Variants in OCA2 observed in about 807,000 individuals in gnomAD.
OCA2 encodes the protein OCA2 melanosomal transmembrane protein, also known as P protein.
A neutral mutation model predicts 100.2 loss-of-function variants in OCA2; 77 were observed. The ratio of observed to expected loss-of-function variants is 0.77; its 90% CI spans 0.64 to 0.93. OCA2 has a LOEUF of 0.93. OCA2 is among the 40% of genes least tolerant of loss of function. The probability of loss-of-function intolerance (pLI) is 0.00; values close to 1 mark genes in which losing one functional copy is unlikely to be tolerated. For synonymous variants in OCA2, 432 were observed against 439.2 expected (o/e 0.98, Z 0.21); for missense variants, 1,062 against 1,089.1 (o/e 0.98, Z 0.35).
chr15:27,941,039 A>C (rs1470537900), intron 18 of OCA2, among the ~76,000 whole-genome samples: 1 of 152,206 alleles, frequency 6.6e-6, no homozygotes, highest in African/African-American at 2.4e-5. Flanking sequence ...GAAAGGAAGA[A>C]TCTCTTGGTC....
At chr15:27,785,393 C>T (rs1299860247) in intron 23 of OCA2, among the ~76,000 whole-genome samples, 4 of 151,938 alleles carry the variant, frequency 2.6e-5, no homozygotes, top group South Asian at 2.1e-4. Flanking sequence ...AATATATGAA[C>T]GAATTAACAA....
At chr15:27,760,094 A>G (rs900390920) in intron 23 of OCA2, among the ~76,000 whole-genome samples, 1 of 152,158 alleles carries the variant, frequency 6.6e-6, no homozygotes, top group African/African-American at 2.4e-5. Context: ...AGTAACAGAA[A>G]GGCAACCAGA....
At chr15:27,845,593 G>A (rs553425538) in intron 22 of OCA2, among the ~76,000 whole-genome samples, 12 of 152,214 alleles carry the variant, frequency 7.9e-5, no homozygotes, top group East Asian at 1.9e-4. Context: ...ACATGCATGC[G>A]TGCCATCCTC....
In OCA2 at chr15:27,893,169, T is replaced by C. The variant is rs1048734782; in HGVS notation, c.2080-21247A>G. ...GGAGCCGTGGCAGAGGAACATAAATTGTGAAGATTTCATATTAATATGGAC... is the reference window on the plus strand; with the variant it reads ...GGAGCCGTGGCAGAGGAACATAAATCGTGAAGATTTCATATTAATATGGAC... On this transcript the variant is annotated intron_variant, in intron 19 of 23. Coordinates refer to ENST00000354638, the MANE Select transcript of OCA2 (RefSeq NM_000275.3). 4.6e-5 allele frequency among the ~76,000 whole-genome samples: 7 copies of C among 152,346 alleles called. No individual in the cohort carries two copies. In the South Asian group the frequency reaches 1.5e-3, roughly 32 times the overall value.
intron 9 of OCA2, among the ~76,000 whole-genome samples, chr15:28,000,547 T>C (rs76263118): frequency 0.015 from 2,234 of 152,266 alleles, 54 homozygotes; most frequent in African/African-American, 0.051. Context: ...TTGATGCTGG[T>C]CTTGACAATG....
intron 9 of OCA2, among the ~76,000 whole-genome samples, chr15:28,013,687 G>T (rs1462427590): frequency 1.3e-5 from 2 of 152,116 alleles, no homozygotes; most frequent in Non-Finnish European, 2.9e-5. Flanking sequence ...CCTTTCAGAA[G>T]CCCACTCCTG....
At chr15:27,765,630 G>A (rs934004024) in intron 23 of OCA2, among the ~76,000 whole-genome samples, 1 of 152,186 alleles carries the variant, frequency 6.6e-6, no homozygotes, top group Non-Finnish European at 1.5e-5. Flanking sequence ...TAGCTGGAAG[G>A]CTGTAATCTT....
intron 23 of OCA2, among the ~76,000 whole-genome samples, chr15:27,792,051 G>A (rs2033108858): frequency 6.6e-6 from 1 of 152,208 alleles, no homozygotes; most frequent in African/African-American, 2.4e-5. Flanking sequence ...AGCCTGCGGT[G>A]AGAAGTATTC....
At chr15:28,076,422 T>C (rs78937007) in intron 2 of OCA2, among the ~76,000 whole-genome samples, 11,819 of 152,236 alleles carry the variant, frequency 0.078, 582 homozygotes, top group East Asian at 0.23. Flanking sequence ...GACCAAAAGG[T>C]AATTAGCTAA....
chr15:27,858,388 G>GAAAAAAAAAAAA (rs200488887), intron 21 of OCA2, among the ~76,000 whole-genome samples: 2 of 49,416 alleles, frequency 4.0e-5, no homozygotes, highest in Non-Finnish European at 8.8e-5. Context: ...AAGAAAGAAA[G>GAAAAAAAAAAAA]AAAAAAAAAA....
intron 23 of OCA2, among the ~76,000 whole-genome samples, chr15:27,800,141 T>C (rs1023401721): frequency 6.6e-6 from 1 of 152,174 alleles, no homozygotes; most frequent in Non-Finnish European, 1.5e-5. Flanking sequence ...AAACTAGAAA[T>C]TTTGTTTTCT....
At chr15:27,992,239 T>G (rs1176338311) in intron 9 of OCA2, among the ~76,000 whole-genome samples, 1 of 152,144 alleles carries the variant, frequency 6.6e-6, no homozygotes, top group Non-Finnish European at 1.5e-5. Context: ...TAGCTGCAAT[T>G]ACAGGCACCC....
chr15:28,069,361 T>G (rs559874588), intron 2 of OCA2, among the ~76,000 whole-genome samples: 11 of 7,434 alleles, frequency 1.5e-3, no homozygotes, highest in African/African-American at 0.01. Flanking sequence ...ACCTGCCCTC[T>G]CCCTCTCCCT....
chr15:27,953,605 C>T (rs1364916688), intron 17 of OCA2, among the ~76,000 whole-genome samples: 1 of 152,168 alleles, frequency 6.6e-6, no homozygotes, highest in Non-Finnish European at 1.5e-5. Context: ...ATTGCCACAG[C>T]CAGTGCAAAG....
intron 18 of OCA2, among the ~76,000 whole-genome samples, chr15:27,942,506 A>AG (rs1307167370): frequency 6.6e-6 from 1 of 151,948 alleles, no homozygotes; most frequent in African/African-American, 2.4e-5. Context: ...GGTTGGGGAA[A>AG]GGGGGGAAGC....
rs752998822 is a variant in OCA2, at chr15:27,957,674, G to A, written c.1698C>T (p.Arg566=). ...GCAGGCGGCGCACAGCTGTCTCCTC[G>A]CGGCTGGCCGGGCTGATGCGCTGAG... ...LTAQRISPAS[R]EETAVRRLLL... is the part of the protein sequence containing the mutation. The change falls in exon 16 of 24, where the codon CGC becomes CGT. Residue 566 remains arginine, a synonymous_variant. Coordinates refer to ENST00000354638, the MANE Select transcript of OCA2 (RefSeq NM_000275.3). This position sits in a 1 kb window ranked among gnomAD's most constrained non-coding sequence, Gnocchi z 4.3. The A allele has an allele frequency of 2.1e-5, 34 of 1,612,956 alleles. No homozygotes were observed. The highest frequency in any genetic ancestry group is 1.1e-4 in the African/African-American group (8 of 74,908).
At chr15:27,939,088 A>G (rs1372506658) in intron 18 of OCA2, among the ~76,000 whole-genome samples, 2 of 152,258 alleles carry the variant, frequency 1.3e-5, no homozygotes, top group Non-Finnish European at 2.9e-5. Context: ...TCTTTGAAAC[A>G]TGTTGAAAAT....
At position 27,989,810 on chromosome 15, in the gene OCA2, G is replaced by T. The variant is rs1595774819; in HGVS notation, c.1117-144C>A. ...TCACCATCCACTTGCCTTTGAAGTT[G>T]GATTATATCGCTGCTGAAAAACAGT... On this transcript the variant is annotated intron_variant, in intron 10 of 23. Coordinates refer to ENST00000354638, the MANE Select transcript of OCA2 (RefSeq NM_000275.3). 5 of 736,368 alleles carry T rather than the reference G, an allele frequency of 6.8e-6. No homozygotes were observed. The East Asian group carries it at 1.3e-4, about 20-fold the overall frequency. The allele number at this position is 736,368 out of a possible 1,614,324, so 45.6% of individuals were successfully genotyped here.
chr15:27,862,477 A>ATTTTTTT (rs57715276), intron 21 of OCA2, among the ~76,000 whole-genome samples: 2 of 145,282 alleles, frequency 1.4e-5, no homozygotes, highest in Non-Finnish European at 1.5e-5. Context: ...CTCCTCAGAC[A>ATTTTTTT]TTTTTTTTTT....
Sources: allele counts gnomAD v4.1 joint callset (sites outside exome capture counted in the v4.1 genomes callset), GRCh38; gene constraint gnomAD v4.1.1; non-coding constraint Gnocchi (gnomAD v3.1); transcripts MANE v1.5; gene names NCBI Gene and HGNC (gene_info 2026-07-23, HGNC 2026-07-21).